Variants in FBXW2 observed in about 807,000 individuals in gnomAD.
FBXW2 encodes F-box and WD repeat domain containing 2.
In FBXW2, 12 loss-of-function variants were observed where a neutral mutation model predicts 46.0. The observed-to-expected ratio is 0.26, with a 90% confidence interval of 0.17 to 0.42. The LOEUF (loss-of-function observed/expected upper bound fraction) is 0.42. FBXW2 is among the 10% of genes least tolerant of loss of function. FBXW2 has a pLI of 1.00. For missense variants in FBXW2, 360 were observed against 537.0 expected (o/e 0.67, Z 3.26); for synonymous variants, 203 against 209.6 (o/e 0.97, Z 0.27).
chr9:120,771,334 G>A lies in FBXW2; in HGVS notation c.1076+14C>T, dbSNP rs761482217. ...GCTTTCAAAGGTAAAGCGTGAGGTC[G>A]AAGGAAACATTACCTGAGAATATCA... On this transcript the variant is annotated intron_variant, in intron 7 of 7. Coordinates refer to ENST00000608872, the MANE Select transcript of FBXW2 (RefSeq NM_012164.4). The A allele has an allele frequency of 1.7e-5, 28 of 1,601,956 alleles. No individual in the cohort carries two copies. Among genetic ancestry groups the A allele is most frequent in the Admixed American group, 3.4e-5 (2 of 58,126 alleles).
At position 120,762,049 on chromosome 9, in the gene FBXW2, TAAA is replaced by T. The variant is rs2044203675; in HGVS notation, c.*2507_*2509del. On this transcript the variant is annotated 3_prime_UTR_variant, in exon 8 of 8. Transcript: ENST00000608872. ...TTATCTGTTCAGGCTCGATAAAAAG[TAAA>T]AACTCGGCCAGGCGTGGTGGCTCAC... 1 of 152,198 alleles carries T rather than the reference TAAA, an allele frequency of 6.6e-6. No individual in the cohort carries two copies. Among genetic ancestry groups the T allele is most frequent in the Non-Finnish European group, 1.5e-5 (1 of 68,098 alleles). 9.4% of individuals were successfully genotyped at this position (152,198 alleles called of 1,614,324 possible). A position where few individuals can be genotyped will look rare whatever the true frequency, so the allele number is the denominator to read the frequency against.
chr9:120,777,583 C>T (rs903254109), intron 4 of FBXW2, among the ~76,000 whole-genome samples: 2 of 152,098 alleles, frequency 1.3e-5, no homozygotes, highest in African/African-American at 4.8e-5. Flanking sequence ...TGCTCATAAA[C>T]GTAATGCTTG....
At position 120,793,401 on chromosome 9, in the gene FBXW2, G is replaced by C. The variant is rs1353595883; in HGVS notation, c.-177C>G. ...CGGTCCGCAGCCTCACAGGGGAGCG[G>C]CTTCCGGTGCTGCCTGCGTCATCTC... On this transcript the variant is annotated 5_prime_UTR_variant, in exon 1 of 8. Coordinates refer to ENST00000608872, the MANE Select transcript of FBXW2 (RefSeq NM_012164.4). The C allele has an allele frequency of 1.0e-5, 4 of 399,378 alleles. No homozygotes were observed. Among genetic ancestry groups the C allele is most frequent in the Non-Finnish European group, 1.3e-5 (3 of 226,810 alleles). 24.7% of individuals were successfully genotyped at this position (399,378 alleles called of 1,614,324 possible).
rs549133825 is a variant in FBXW2, at chr9:120,757,719, C to T, written c.*6840G>A. On this transcript the variant is annotated 3_prime_UTR_variant, in exon 8 of 8. Transcript: ENST00000608872. ...TTTTATTACTGTTAGATTATCTTTACCACAGAGAGCACAGAACATGTGGTT... is the reference window on the plus strand; with the variant it reads ...TTTTATTACTGTTAGATTATCTTTATCACAGAGAGCACAGAACATGTGGTT... The T allele has an allele frequency of 2.0e-5, 3 of 152,222 alleles. No individual in the cohort carries two copies. Among genetic ancestry groups the T allele is most frequent in the African/African-American group, 7.2e-5 (3 of 41,538 alleles). The allele number at this position is 152,222 out of a possible 1,614,324, so 9.4% of individuals were successfully genotyped here. A position where few individuals can be genotyped will look rare whatever the true frequency, so the allele number is the denominator to read the frequency against.
In FBXW2 at chr9:120,787,850, C is replaced by T. The variant is rs763617106; in HGVS notation, c.409G>A (p.Glu137Lys). ...ATTAATGACGAGGTTTCAAAGGCTT[C>T]ATGGTCCTCCAGTTGCTTCATTCTC... ...ILRMKQLEDH[E>K]AFETSSLIGH... The change falls in exon 3 of 8, where the codon GAA becomes AAA. Residue 137 changes from glutamate to lysine, a missense_variant. By Grantham distance (56) the Glu-to-Lys change is moderately conservative (BLOSUM62 1). Transcript: ENST00000608872. 8.1e-6 allele frequency: 13 copies of T among 1,614,238 alleles called. No homozygotes were observed. The Admixed American group carries it at 1.2e-4, about 14-fold the overall frequency.
rs533879769 is a variant in FBXW2 at position 120,793,220 on chromosome 9, G to T, written c.-92C>A. On this transcript the variant is annotated 5_prime_UTR_variant, in exon 2 of 8. Transcript: ENST00000608872. ...TACTAGGCACGCTCGGACCGCCAGAGCCTTGCAGCGGCCGGGTCCGCTCCG... is the reference window on the plus strand; with the variant it reads ...TACTAGGCACGCTCGGACCGCCAGATCCTTGCAGCGGCCGGGTCCGCTCCG... 2 of 538,038 alleles carry T rather than the reference G, an allele frequency of 3.7e-6. No individual in the cohort carries two copies. The highest frequency in any genetic ancestry group is 6.2e-5 in the East Asian group (2 of 32,108). The allele number at this position is 538,038 out of a possible 1,614,324, so 33.3% of individuals were successfully genotyped here.
intron 7 of FBXW2, among the ~76,000 whole-genome samples, chr9:120,765,286 G>A (rs1039135200): frequency 2.0e-5 from 3 of 152,046 alleles, no homozygotes; most frequent in Admixed American, 6.6e-5. Flanking sequence ...GTAGAGACGA[G>A]GTTTCACCAT....
chr9:120,789,446 T>C (rs1028648439), intron 2 of FBXW2, among the ~76,000 whole-genome samples: 1 of 152,198 alleles, frequency 6.6e-6, no homozygotes, highest in African/African-American at 2.4e-5. Context: ...TAATGAAAGA[T>C]TACAAAAAAT....
In FBXW2 at chr9:120,758,164, C is replaced by T. The variant is rs2044149458; in HGVS notation, c.*6395G>A. The stretch of plus-strand genomic sequence containing the variant: ...ATTTATTGCTAAATGAACTGCACCA[C>T]TAACCTTACACAAAAATGCTCAGTG... On this transcript the variant is annotated 3_prime_UTR_variant, in exon 8 of 8. Transcript: ENST00000608872. 6.6e-6 allele frequency: 1 copy of T among 152,198 alleles called. No homozygotes were observed. 9.4% of individuals were successfully genotyped at this position (152,198 alleles called of 1,614,324 possible). A position where few individuals can be genotyped will look rare whatever the true frequency, so the allele number is the denominator to read the frequency against.
intron 3 of FBXW2, among the ~76,000 whole-genome samples, chr9:120,779,196 G>A (rs1160386518): frequency 6.6e-6 from 1 of 152,166 alleles, no homozygotes; most frequent in African/African-American, 2.4e-5. Flanking sequence ...GGAAAAGTTG[G>A]CTTTATTTCT....
chr9:120,768,923 AC>A (rs1343846239), intron 7 of FBXW2, among the ~76,000 whole-genome samples: 1 of 152,224 alleles, frequency 6.6e-6, no homozygotes, highest in Non-Finnish European at 1.5e-5. Flanking sequence ...ATAGGTGGCT[AC>A]CGGGTTAGGG....
intron 5 of FBXW2, among the ~76,000 whole-genome samples, chr9:120,773,634 G>A (rs911331028): frequency 4.6e-5 from 7 of 152,220 alleles, no homozygotes; most frequent in African/African-American, 1.7e-4. Flanking sequence ...ATCAGGCTAA[G>A]GTGAGAGGGG....
At chr9:120,765,346 C>T (rs1314756939) in intron 7 of FBXW2, among the ~76,000 whole-genome samples, 6 of 152,160 alleles carry the variant, frequency 3.9e-5, no homozygotes, top group Non-Finnish European at 7.3e-5. Flanking sequence ...CTGCCCACCT[C>T]GGCCTCCCAA....
intron 5 of FBXW2, among the ~76,000 whole-genome samples, chr9:120,775,182 C>T (rs1385669473): frequency 6.6e-6 from 1 of 152,076 alleles, no homozygotes; most frequent in Non-Finnish European, 1.5e-5. Context: ...GTCTCAGCCT[C>T]CTGAGTAGCT....
intron 7 of FBXW2, among the ~76,000 whole-genome samples, chr9:120,768,545 A>C (rs2044315239): frequency 6.6e-6 from 1 of 152,118 alleles, no homozygotes; most frequent in East Asian, 1.9e-4. Context: ...GAGGCTAGGA[A>C]GCCGGGTGCG....
chr9:120,769,792 T>C (rs974417355), intron 7 of FBXW2, among the ~76,000 whole-genome samples: 3 of 152,244 alleles, frequency 2.0e-5, no homozygotes, highest in African/African-American at 7.2e-5. Flanking sequence ...GGTGGAATGC[T>C]GGGCAAGGCC....
chr9:120,784,790 G>T (rs369314262), intron 3 of FBXW2, among the ~76,000 whole-genome samples: 6 of 151,542 alleles, frequency 4.0e-5, no homozygotes, highest in African/African-American at 1.2e-4. Flanking sequence ...CTGTGGTGGC[G>T]CGTGCCTGTA....
chr9:120,773,951 G>A (rs1192644701), intron 5 of FBXW2, among the ~76,000 whole-genome samples: 1 of 152,198 alleles, frequency 6.6e-6, no homozygotes, highest in African/African-American at 2.4e-5. Flanking sequence ...AGCACTTTGA[G>A]AGGCCGAGGA....
At chr9:120,792,058 A>G (rs561642647) in intron 2 of FBXW2, among the ~76,000 whole-genome samples, 2 of 152,270 alleles carry the variant, frequency 1.3e-5, no homozygotes, top group East Asian at 3.9e-4. Flanking sequence ...CATCTTCATA[A>G]CCTCATGGAA....
Sources: gnomAD v4.1 joint callset for allele counts (sites outside exome capture counted in the v4.1 genomes callset) on GRCh38, gnomAD v4.1.1 for gene constraint, MANE v1.5 for transcripts, NCBI Gene and HGNC (gene_info 2026-07-23, HGNC 2026-07-21) for gene names.